PTH2R: variants seen among roughly 807,000 people sequenced by gnomAD.
The protein encoded by PTH2R is PTH2 receptor.
A neutral mutation model predicts 60.3 loss-of-function variants in PTH2R; 59 were observed. The ratio of observed to expected loss-of-function variants is 0.98; its 90% CI spans 0.79 to 1.22. The LOEUF (loss-of-function observed/expected upper bound fraction) is 1.22, where lower values mean the gene tolerates loss of function less well. Ranked by LOEUF, PTH2R falls within the 50% of genes most tolerant of loss-of-function variation. The pLI, the probability that PTH2R is intolerant of heterozygous loss-of-function variation, is 0.00. For missense variants in PTH2R, 749 were observed against 682.6 expected, an observed-to-expected ratio of 1.10 and a Z score of -1.08; for synonymous variants, 256 against 243.8, an observed-to-expected ratio of 1.05 and a Z score of -0.47.
intron 1 of PTH2R, among the ~76,000 whole-genome samples, chr2:208,387,298 T>C (rs1701019515): frequency 6.6e-6 from 1 of 152,214 alleles, no homozygotes; most frequent in Non-Finnish European, 1.5e-5. Context: ...TACCTTAGAT[T>C]GTATGGGTAA....
intron 1 of PTH2R, among the ~76,000 whole-genome samples, chr2:208,395,109 G>A (rs555034879): frequency 2.0e-5 from 3 of 151,454 alleles, no homozygotes; most frequent in East Asian, 1.9e-4. Context: ...GTGCAGTGGC[G>A]CGATCTCAGC....
intron 2 of PTH2R, among the ~76,000 whole-genome samples, chr2:208,430,384 G>A (rs1187893166): frequency 2.6e-5 from 4 of 151,650 alleles, no homozygotes; most frequent in South Asian, 2.1e-4. Flanking sequence ...TTATTTTGGT[G>A]TCAACCTTGA....
chr2:208,377,320 T>A (rs1214470375), intron 1 of PTH2R, among the ~76,000 whole-genome samples: 2 of 152,148 alleles, frequency 1.3e-5, no homozygotes. Flanking sequence ...TTTCCCCACC[T>A]TTCCCCCTTT....
At chr2:208,418,639 G>A (rs1397302821) in intron 1 of PTH2R, among the ~76,000 whole-genome samples, 10 of 152,090 alleles carry the variant, frequency 6.6e-5, no homozygotes, top group Admixed American at 1.3e-4. Context: ...GAGGTAGTTA[G>A]AAATATTCCA....
intron 2 of PTH2R, among the ~76,000 whole-genome samples, chr2:208,432,832 C>T (rs1246935412): frequency 6.6e-6 from 1 of 152,128 alleles, no homozygotes. Flanking sequence ...GAAAACTCAG[C>T]AAGCCAGCTT....
At chr2:208,429,837 G>T (rs534381970) in intron 2 of PTH2R, among the ~76,000 whole-genome samples, 2 of 152,122 alleles carry the variant, frequency 1.3e-5, no homozygotes, top group East Asian at 1.9e-4. Flanking sequence ...TTACAAACAG[G>T]ACACACATAG....
upstream of PTH2R, among the ~76,000 whole-genome samples, chr2:208,406,067 T>C (rs1274183383): frequency 6.6e-6 from 1 of 152,090 alleles, no homozygotes; most frequent in Non-Finnish European, 1.5e-5. Flanking sequence ...ATCTTACAAT[T>C]GAGGAGATTA....
At chr2:208,402,519 A>G (rs1199459498), upstream of PTH2R, among the ~76,000 whole-genome samples, 1 of 152,120 alleles carries the variant, frequency 6.6e-6, no homozygotes, top group Non-Finnish European at 1.5e-5. Context: ...ATCAAATTTT[A>G]TTTTTCAAGG....
chr2:208,446,661 T>C (rs71418690), intron 7 of PTH2R, among the ~76,000 whole-genome samples: 5,121 of 152,316 alleles, frequency 0.034, 87 homozygotes, highest in Middle Eastern at 0.058. Flanking sequence ...TACTCTAGTC[T>C]AGGGCATATA....
intron 1 of PTH2R, among the ~76,000 whole-genome samples, chr2:208,386,014 A>T (rs1468631360): frequency 2.0e-5 from 3 of 152,198 alleles, no homozygotes; most frequent in Non-Finnish European, 2.9e-5. Context: ...TAAGCAGCTA[A>T]ATTACTGTTC....
chr2:208,464,336 A>G (rs1702695803), intron 9 of PTH2R, among the ~76,000 whole-genome samples: 1 of 152,232 alleles, frequency 6.6e-6, no homozygotes, highest in Non-Finnish European at 1.5e-5. Flanking sequence ...AGTACATTCT[A>G]TGATCTTCCC....
At chr2:208,492,661 T>C (rs1260504890) in intron 12 of PTH2R, among the ~76,000 whole-genome samples, 1 of 152,176 alleles carries the variant, frequency 6.6e-6, no homozygotes, top group African/African-American at 2.4e-5. Context: ...AAGAGCTACA[T>C]ATTTACAATT....
intron 2 of PTH2R, among the ~76,000 whole-genome samples, chr2:208,432,113 G>A (rs573044553): frequency 1.3e-5 from 2 of 152,272 alleles, no homozygotes; most frequent in East Asian, 1.9e-4. Context: ...AAATTTGAAA[G>A]CATTATTATC....
intron 9 of PTH2R, among the ~76,000 whole-genome samples, chr2:208,479,010 A>G (rs557333794): frequency 6.6e-6 from 1 of 152,224 alleles, no homozygotes; most frequent in African/African-American, 2.4e-5. Context: ...AATTATTTAG[A>G]ATTTCATCCA....
Position 208,451,995 on chromosome 2 carries a change from C to T in PTH2R, c.914+1186C>T, listed in dbSNP as rs577353379. Among the ~76,000 whole-genome samples, 48 of 152,262 alleles carry T rather than the reference C, an allele frequency of 3.2e-4. 1 individual carries two copies. The South Asian group carries it at 6.8e-3, about 22-fold the overall frequency. On this transcript the variant is annotated intron_variant, in intron 8 of 12. Coordinates refer to ENST00000272847, the MANE Select transcript of PTH2R (RefSeq NM_005048.4). ...ACTGCTTTGTTAGGTTAGGGACCAA[C>T]GGACCCAAAACACATGATCTCTTTG...
chr2:208,379,286 G>T (rs1423626290), intron 1 of PTH2R, among the ~76,000 whole-genome samples: 1 of 152,038 alleles, frequency 6.6e-6, no homozygotes, highest in East Asian at 1.9e-4. Flanking sequence ...GGATATTGTG[G>T]GACACAAAAG....
intron 8 of PTH2R, among the ~76,000 whole-genome samples, chr2:208,457,468 C>T (rs1012642089): frequency 1.3e-5 from 2 of 152,168 alleles, no homozygotes; most frequent in African/African-American, 4.8e-5. Flanking sequence ...GTGGTATATT[C>T]TCCCACTGGA....
chr2:208,424,675 A>G (rs1287967921), intron 1 of PTH2R, among the ~76,000 whole-genome samples: 2 of 152,120 alleles, frequency 1.3e-5, no homozygotes, highest in Non-Finnish European at 2.9e-5. Flanking sequence ...GGCGACTGGG[A>G]GTCAGTATCA....
intron 1 of PTH2R, among the ~76,000 whole-genome samples, chr2:208,373,788 A>G (rs1700745322): frequency 6.6e-6 from 1 of 152,136 alleles, no homozygotes; most frequent in South Asian, 2.1e-4. Context: ...TGAGCCCTAA[A>G]TGTCTTCTAC....
Sources: allele counts gnomAD v4.1 joint callset (sites outside exome capture counted in the v4.1 genomes callset), GRCh38; gene constraint gnomAD v4.1.1; transcripts MANE v1.5; gene names NCBI Gene and HGNC (gene_info 2026-07-23, HGNC 2026-07-21).